Variants in DCAF10 observed in about 807,000 individuals in gnomAD.
DCAF10 encodes DDB1- and CUL4-associated factor 10.
In DCAF10, 19 loss-of-function variants were observed where a neutral mutation model predicts 51.9. The ratio of observed to expected loss-of-function variants is 0.37; its 90% CI spans 0.26 to 0.54. The LOEUF (loss-of-function observed/expected upper bound fraction) is 0.54. DCAF10 is among the 20% of genes least tolerant of loss of function. The probability of loss-of-function intolerance (pLI) is 0.87; values close to 1 mark genes in which losing one functional copy is unlikely to be tolerated. For missense variants in DCAF10, 510 were observed against 730.6 expected, an observed-to-expected ratio of 0.70 and a Z score of 3.48; for synonymous variants, 291 against 297.1, an observed-to-expected ratio of 0.98 and a Z score of 0.21.
Position 37,860,043 on chromosome 9 carries a change from C to T in DCAF10, c.1166-5C>T, listed in dbSNP as rs1830967123. The T allele has an allele frequency of 6.2e-7, 1 of 1,614,026 alleles. No individual in the cohort carries two copies. The highest frequency in any genetic ancestry group is 8.5e-7 in the Non-Finnish European group (1 of 1,179,966). ...ATCCCACATCCTCATTTTCTTATAT[C>T]TCAGGAGTTTCACCACGAAATAGTC... On this transcript the variant is annotated splice_polypyrimidine_tract_variant and splice_region_variant and intron_variant, in intron 5 of 6. Coordinates refer to ENST00000377724, the MANE Select transcript of DCAF10 (RefSeq NM_024345.5).
At chr9:37,802,574 T>C (rs1267884945) in intron 1 of DCAF10, among the ~76,000 whole-genome samples, 1 of 151,918 alleles carries the variant, frequency 6.6e-6, no homozygotes, top group Non-Finnish European at 1.5e-5. Flanking sequence ...AAGCAAAAAA[T>C]TTTACTGAAG....
At chr9:37,855,033 T>G (rs746379607) in intron 4 of DCAF10, 51 bp downstream of exon 4, 27 of 1,494,648 alleles carry the variant, frequency 1.8e-5, no homozygotes, top group Non-Finnish European at 2.1e-5. Flanking sequence ...ATCTCAAACA[T>G]AGAGATGGTA....
At chr9:37,842,377 G>A (rs1830359929) in intron 3 of DCAF10, 91 bp downstream of exon 3, 2 of 1,267,200 alleles carry the variant, frequency 1.6e-6, no homozygotes, top group African/African-American at 1.5e-5. Context: ...CTAGCCTCAA[G>A]AAGGAAACTG....
intron 1 of DCAF10, among the ~76,000 whole-genome samples, chr9:37,802,933 T>G (rs1472546801): frequency 1.3e-5 from 2 of 152,168 alleles, no homozygotes; most frequent in Non-Finnish European, 2.9e-5. Flanking sequence ...CCTCCCAACC[T>G]CCTACCGATA....
intron 1 of DCAF10, among the ~76,000 whole-genome samples, chr9:37,818,309 TG>T (rs1323258634): frequency 6.6e-6 from 1 of 152,184 alleles, no homozygotes; most frequent in Non-Finnish European, 1.5e-5. Flanking sequence ...TTCAACTTAA[TG>T]GTTGTTTTTT....
chr9:37,830,153 T>C (rs768256942), intron 2 of DCAF10, among the ~76,000 whole-genome samples: 5 of 152,216 alleles, frequency 3.3e-5, no homozygotes, highest in Non-Finnish European at 5.9e-5. Context: ...TAAATTCTGG[T>C]GTACTCATAC....
chr9:37,838,445 A>G (rs1277103366), intron 2 of DCAF10, among the ~76,000 whole-genome samples: 2 of 152,074 alleles, frequency 1.3e-5, no homozygotes, highest in Non-Finnish European at 2.9e-5. Context: ...CATTAAAAAA[A>G]TCTCATTTTA....
chr9:37,854,568 A>ATT (rs1378818540), intron 3 of DCAF10, among the ~76,000 whole-genome samples: 1 of 152,142 alleles, frequency 6.6e-6, no homozygotes, highest in African/African-American at 2.4e-5. Flanking sequence ...TAGCTATTTT[A>ATT]TAATATACTG....
intron 3 of DCAF10, among the ~76,000 whole-genome samples, chr9:37,847,573 G>A (rs1368609117): frequency 6.6e-6 from 1 of 152,168 alleles, no homozygotes; most frequent in African/African-American, 2.4e-5. Context: ...AACATTGAAA[G>A]ACTGAATGCA....
rs938456088 is a variant in DCAF10, at chr9:37,866,968, T to C, written c.*5460T>C. On this transcript the variant is annotated 3_prime_UTR_variant, in exon 7 of 7. Transcript: ENST00000377724. ...AACTTTGTCAATAACCATTAAAACA[T>C]AGGCTTAAATTATCACGTATTGTTA... The C allele has an allele frequency of 5.3e-4, 81 of 152,356 alleles. No individual in the cohort carries two copies. Among genetic ancestry groups the C allele is most frequent in the African/African-American group, 1.8e-3 (73 of 41,576 alleles). 9.4% of individuals were successfully genotyped at this position (152,356 alleles called of 1,614,324 possible).
chr9:37,820,402 T>C (rs1022349073), intron 2 of DCAF10, among the ~76,000 whole-genome samples: 5 of 152,190 alleles, frequency 3.3e-5, no homozygotes, highest in Non-Finnish European at 7.3e-5. Context: ...TAAGAAGTGC[T>C]TAAGTGTTTC....
At chr9:37,808,434 T>C (rs1160341017) in intron 1 of DCAF10, among the ~76,000 whole-genome samples, 1 of 138,136 alleles carries the variant, frequency 7.2e-6, no homozygotes, top group Non-Finnish European at 1.5e-5. Flanking sequence ...AAAATATATA[T>C]ATTATATTAT....
rs888581927 is a variant in DCAF10 at position 37,827,805 on chromosome 9, A to C, written c.653+8404A>C. ...TAAGGCTGGGACCCCAAAAGTGCTT[A>C]CTTTCAGCAAAAAGGTGATCTAGAG... is the stretch of plus-strand genomic sequence containing the variant. On this transcript the variant is annotated intron_variant, in intron 2 of 6. Transcript: ENST00000377724. Among the ~76,000 whole-genome samples the C allele has an allele frequency of 2.6e-5, 4 of 152,222 alleles. No individual in the cohort carries two copies. In the East Asian group the frequency reaches 7.7e-4, roughly 29 times the overall value.
chr9:37,807,788 A>G (rs923399657), intron 1 of DCAF10, among the ~76,000 whole-genome samples: 15 of 150,416 alleles, frequency 1.0e-4, no homozygotes, highest in Non-Finnish European at 3.0e-5. Flanking sequence ...TCAGCCTCCC[A>G]AGTAGCCGGG....
chr9:37,807,331 A>G (rs1456357928), intron 1 of DCAF10, among the ~76,000 whole-genome samples: 1 of 152,162 alleles, frequency 6.6e-6, no homozygotes, highest in Admixed American at 6.5e-5. Flanking sequence ...AATTTTAAAA[A>G]GTGTGATTTT....
At chr9:37,856,978 T>C (rs573533612) in intron 4 of DCAF10, among the ~76,000 whole-genome samples, 1 of 152,298 alleles carries the variant, frequency 6.6e-6, no homozygotes, top group East Asian at 1.9e-4. Flanking sequence ...ACAGAAATCA[T>C]GAGGATCCAA....
At chr9:37,815,040 T>A (rs1829484180) in intron 1 of DCAF10, among the ~76,000 whole-genome samples, 1 of 152,152 alleles carries the variant, frequency 6.6e-6, no homozygotes. Context: ...TAAATTAATG[T>A]AAATAACTAC....
chr9:37,823,874 AT>A (rs1829776943), intron 2 of DCAF10, among the ~76,000 whole-genome samples: 1 of 144,792 alleles, frequency 6.9e-6, no homozygotes, highest in Non-Finnish European at 1.5e-5. Context: ...CTTAGAGCAC[AT>A]CTTTTTTTTT....
At chr9:37,821,668 C>A (rs1040438865) in intron 2 of DCAF10, among the ~76,000 whole-genome samples, 2 of 151,820 alleles carry the variant, frequency 1.3e-5, no homozygotes, top group African/African-American at 4.8e-5. Context: ...AGACCTGAAA[C>A]TATAATAAAA....
Sources: gnomAD v4.1 joint callset for allele counts (sites outside exome capture counted in the v4.1 genomes callset) on GRCh38, gnomAD v4.1.1 for gene constraint, MANE v1.5 for transcripts, NCBI Gene and HGNC (gene_info 2026-07-23, HGNC 2026-07-21) for gene names.